Variants in PTPN12 observed in about 807,000 individuals in gnomAD.
PTPN12 encodes the protein protein tyrosine phosphatase non-receptor type 12.
PTPN12 carries 29 observed loss-of-function variants against 97.6 expected under a neutral mutation model. That is an observed-to-expected ratio of 0.30 (90% CI 0.22 to 0.41). The LOEUF (loss-of-function observed/expected upper bound fraction) is 0.41, where lower values mean the gene tolerates loss of function less well. Ranked by LOEUF, PTPN12 falls within the 10% of genes least tolerant of loss-of-function variation. PTPN12 has a pLI of 1.00. For missense variants in PTPN12, 819 were observed against 926.0 expected (o/e 0.88, Z 1.50); for synonymous variants, 327 against 300.4 (o/e 1.09, Z -0.91).
At chr7:77,606,431 C>G (rs550468470) in intron 8 of PTPN12, among the ~76,000 whole-genome samples, 3 of 152,256 alleles carry the variant, frequency 2.0e-5, no homozygotes, top group African/African-American at 4.8e-5. Context: ...AAGTCACACT[C>G]TGTTACCCAG....
intron 2 of PTPN12, 35 bp from the exon 3 acceptor site, chr7:77,581,392 C>A: frequency 2.1e-6 from 3 of 1,400,798 alleles, no homozygotes; most frequent in South Asian, 2.4e-5. Flanking sequence ...ACCTGTGTGT[C>A]AACCATACAT....
In PTPN12 at chr7:77,573,095, A is replaced by C. The variant is rs1280769315; in HGVS notation, c.208+1909A>C. On this transcript the variant is annotated intron_variant, in intron 2 of 17. Transcript: ENST00000248594. ...AAGACTCTATCTCAAAAAAAAAAAA[A>C]ACAAAAAAACAAAAAAAACCAGTGT... 1.2e-4 allele frequency among the ~76,000 whole-genome samples: 5 copies of C among 40,598 alleles called. 1 individual carries two copies. Among genetic ancestry groups the C allele is most frequent in the South Asian group, 1.4e-3 (2 of 1,444 alleles). The allele number at this position is 40,598 out of a possible 152,430, so 26.6% of individuals were successfully genotyped here.
chr7:77,604,871 A>G (rs994140358), intron 8 of PTPN12: 1 of 434,062 alleles, frequency 2.3e-6, no homozygotes, highest in African/African-American at 2.0e-5. Flanking sequence ...TTTGCTCTTC[A>G]TTGATAGCTA....
At chr7:77,583,120 G>C (rs1406800463) in intron 3 of PTPN12, among the ~76,000 whole-genome samples, 1 of 152,154 alleles carries the variant, frequency 6.6e-6, no homozygotes, top group Non-Finnish European at 1.5e-5. Context: ...GTAGATGCTT[G>C]ATAAACTTTT....
In PTPN12 at chr7:77,611,027, A is replaced by G; in HGVS notation, c.920A>G (p.Gln307Arg). Residue 307 changes from glutamine to arginine, a missense_variant, in exon 11 of 18, where the codon CAG becomes CGG. Physicochemically the swap from Gln to Arg is conservative, Grantham distance 43 (BLOSUM62 1). Transcript: ENST00000248594. ...QLQLYEIHGA[Q>R]KIADGVNEIN... ...CAACTATATGAAATTCATGGAGCTC[A>G]GAAAATTGCTGATGGAGTGGTAGGT... The G allele has an allele frequency of 6.2e-7, 1 of 1,612,738 alleles. No individual in the cohort carries two copies. The highest frequency in any genetic ancestry group is 8.5e-7 in the Non-Finnish European group (1 of 1,179,122).
At chr7:77,637,627 C>T (rs1789640354) in intron 16 of PTPN12, among the ~76,000 whole-genome samples, 3 of 151,944 alleles carry the variant, frequency 2.0e-5, no homozygotes, top group African/African-American at 7.3e-5. Flanking sequence ...GAGACCCAGG[C>T]AGGCAATCAC....
intron 1 of PTPN12, among the ~76,000 whole-genome samples, chr7:77,569,561 A>G (rs1808390350): frequency 6.6e-6 from 1 of 152,166 alleles, no homozygotes; most frequent in South Asian, 2.1e-4. Context: ...ACCTAAGGTC[A>G]GGAGTTCAAG....
At chr7:77,630,053 T>G (rs1789345105) in intron 13 of PTPN12, among the ~76,000 whole-genome samples, 1 of 152,226 alleles carries the variant, frequency 6.6e-6, no homozygotes, top group African/African-American at 2.4e-5. Flanking sequence ...TACATGTGAT[T>G]TCTGGTTTCT....
intron 8 of PTPN12, 181 bp from the exon 9 acceptor site, chr7:77,607,049 TATGTA>T: frequency 2.0e-6 from 1 of 494,278 alleles, no homozygotes; most frequent in South Asian, 2.6e-5. Context: ...TGTATATGTA[TATGTA>T]TTCTGTGTAA....
Position 77,617,416 on chromosome 7 carries a change from TTATA to T in PTPN12, c.940-1059_940-1056del, listed in dbSNP as rs1026991801. On this transcript the variant is annotated intron_variant, in intron 11 of 17. Transcript: ENST00000248594. ...TGTATAAAACTATTAATTCATCAGA[TTATA>T]TATAAGGAGATAGGGTGCACTTAAA... Among the ~76,000 whole-genome samples, 179 of 152,276 alleles carry T rather than the reference TTATA, an allele frequency of 1.2e-3. 1 individual carries two copies. The highest frequency in any genetic ancestry group is 4.2e-3 in the African/African-American group (173 of 41,568).
At chr7:77,581,096 GA>G (rs1236306235) in intron 2 of PTPN12, among the ~76,000 whole-genome samples, 1 of 152,050 alleles carries the variant, frequency 6.6e-6, no homozygotes, top group East Asian at 1.9e-4. Context: ...TTTTAAGACA[GA>G]ATCTTCACTC....
rs559135286 is a variant in PTPN12, at chr7:77,626,933, A to G, written c.1254A>G (p.Lys418=). The change falls in exon 13 of 18, where the codon AAA becomes AAG. Residue 418 remains lysine, a synonymous_variant. Transcript: ENST00000248594. ...NYSKSTELPG[K]NESTIEQIDK... is the part of the protein sequence containing the mutation. ...GTAAATCAACAGAACTTCCAGGGAA[A>G]AATGAATCAACAATTGAACAGATAG... 7.5e-6 allele frequency: 12 copies of G among 1,609,550 alleles called. No homozygotes were observed. The South Asian group carries it at 1.1e-4, about 15-fold the overall frequency.
chr7:77,637,944 A>ATTTTTTTTTT (rs1421411134), intron 16 of PTPN12, among the ~76,000 whole-genome samples: 4 of 89,498 alleles, frequency 4.5e-5, no homozygotes, highest in Non-Finnish European at 7.7e-5. Context: ...GATTTCTTAA[A>ATTTTTTTTTT]ATTTTTTTTT....
intron 9 of PTPN12, among the ~76,000 whole-genome samples, chr7:77,608,841 C>T (rs1020409941): frequency 1.3e-5 from 2 of 152,138 alleles, no homozygotes; most frequent in South Asian, 2.1e-4. Flanking sequence ...CACATTTTAA[C>T]ATAAAAGTCA....
At chr7:77,590,690 A>G (rs975024041) in intron 5 of PTPN12, among the ~76,000 whole-genome samples, 22 of 151,776 alleles carry the variant, frequency 1.4e-4, no homozygotes, top group Non-Finnish European at 4.4e-5. Context: ...CCTCCTGAGT[A>G]GCTGGGATTA....
At chr7:77,637,464 AGAAT>A (rs1190978529) in intron 16 of PTPN12, among the ~76,000 whole-genome samples, 2 of 152,332 alleles carry the variant, frequency 1.3e-5, no homozygotes, top group African/African-American at 2.4e-5. Context: ...AAATTGTGAA[AGAAT>A]GAATGAATTT....
intron 1 of PTPN12, among the ~76,000 whole-genome samples, chr7:77,562,606 G>T (rs1328972795): frequency 4.6e-5 from 7 of 152,168 alleles, no homozygotes; most frequent in Non-Finnish European, 1.0e-4. Flanking sequence ...TTGAAATTGG[G>T]ATTGGCGGAA....
chr7:77,614,889 C>G (rs1244314314), intron 11 of PTPN12, among the ~76,000 whole-genome samples: 1 of 152,136 alleles, frequency 6.6e-6, no homozygotes, highest in Admixed American at 6.5e-5. Context: ...TTTAAATGTT[C>G]TGTGTTCCAG....
chr7:77,613,436 A>C (rs536938149), intron 11 of PTPN12, among the ~76,000 whole-genome samples: 1 of 151,974 alleles, frequency 6.6e-6, no homozygotes, highest in Admixed American at 6.6e-5. Context: ...CAGCCTCCCA[A>C]AGTGCCAGGA....
Sources: allele counts gnomAD v4.1 joint callset (sites outside exome capture counted in the v4.1 genomes callset), GRCh38; gene constraint gnomAD v4.1.1; transcripts MANE v1.5; gene names NCBI Gene and HGNC (gene_info 2026-07-23, HGNC 2026-07-21).